Variants in UBXN4 observed in about 807,000 individuals in gnomAD.
UBXN4 encodes UBX domain protein 4.
A neutral mutation model predicts 66.2 loss-of-function variants in UBXN4; 35 were observed. The observed-to-expected ratio is 0.53, with a 90% CI of 0.40 to 0.70. UBXN4 has a LOEUF of 0.70. Ranked by LOEUF, UBXN4 falls within the 30% of genes least tolerant of loss-of-function variation. The pLI is 0.00. For synonymous variants in UBXN4, 203 were observed against 204.5 expected (o/e 0.99, Z 0.06); for missense variants, 533 against 599.8 (o/e 0.89, Z 1.16).
chr2:135,748,095 G>T, intron 1 of UBXN4, 172 bp from the exon 2 acceptor site: 2 of 476,718 alleles, frequency 4.2e-6, no homozygotes, highest in Non-Finnish European at 7.4e-6. Context: ...TTCATGATGT[G>T]AACTGTGTAT....
intron 12 of UBXN4, among the ~76,000 whole-genome samples, chr2:135,780,900 C>T (rs2077445464): frequency 6.6e-6 from 1 of 152,224 alleles, no homozygotes; most frequent in Non-Finnish European, 1.5e-5. Context: ...AAAATTCTCT[C>T]TCAGAGAATT....
Position 135,755,595 on chromosome 2 carries a change from T to G in UBXN4, c.412T>G (p.Phe138Val). Residue 138 changes from phenylalanine (F) to valine (V), a missense_variant, in exon 5 of 13, where the codon TTT becomes GTT. By Grantham distance (50) the Phe-to-Val change is conservative. This residue lies in a region of UBXN4 where 529 missense variants were observed against 580.1 expected (regional missense o/e 0.91). Coordinates refer to ENST00000272638, the MANE Select transcript of UBXN4 (RefSeq NM_014607.4). ...ESSVSTPSAS[F>V]EPNNTCENSQ... is the part of the protein sequence containing the mutation. ...TTCAGTGTCTACTCCATCTGCGTCA[T>G]TTGAACCTAACAACACTTGTGAAAA... 1 of 1,610,556 alleles carries G rather than the reference T, an allele frequency of 6.2e-7. No individual in the cohort carries two copies. Among genetic ancestry groups the G allele is most frequent in the South Asian group, 1.1e-5 (1 of 90,514 alleles).
intron 2 of UBXN4, among the ~76,000 whole-genome samples, chr2:135,750,891 T>G (rs987880890): frequency 5.8e-5 from 7 of 120,480 alleles, no homozygotes; most frequent in African/African-American, 1.8e-4. Context: ...AGTCTTGCTC[T>G]GTCGCCCAGG....
chr2:135,755,000 T>G (rs1465167107), intron 4 of UBXN4, among the ~76,000 whole-genome samples: 1 of 152,032 alleles, frequency 6.6e-6, no homozygotes, highest in Non-Finnish European at 1.5e-5. Flanking sequence ...GCCAGGCTGG[T>G]CTTGAACTCC....
intron 5 of UBXN4, among the ~76,000 whole-genome samples, chr2:135,760,356 A>G (rs927410369): frequency 1.3e-4 from 20 of 152,180 alleles, no homozygotes; most frequent in African/African-American, 4.8e-4. Context: ...GCTTGATCCC[A>G]GGAGGCGGAG....
intron 10 of UBXN4, among the ~76,000 whole-genome samples, chr2:135,778,671 T>C (rs2077432310): frequency 6.6e-6 from 1 of 152,216 alleles, no homozygotes; most frequent in Non-Finnish European, 1.5e-5. Flanking sequence ...AGATACACAA[T>C]TGTCCATTTT....
intron 6 of UBXN4, among the ~76,000 whole-genome samples, chr2:135,766,819 A>G (rs1184574110): frequency 6.6e-6 from 1 of 152,186 alleles, no homozygotes; most frequent in African/African-American, 2.4e-5. Flanking sequence ...AATGGTAAAT[A>G]TCCTACTGCT....
Position 135,779,843 on chromosome 2 carries a change from TATTATATAAAATA to T in UBXN4, c.1186-323_1186-311del, listed in dbSNP as rs1395179730. On this transcript the variant is annotated intron_variant, in intron 11 of 12. Coordinates refer to ENST00000272638, the MANE Select transcript of UBXN4 (RefSeq NM_014607.4). Reference sequence around the variant, plus strand: ...ACAATATTATACAATTATATACAATTATTATATAAAATAATTATATAAAATAATTTTATAATTA... The same window carrying T: ...ACAATATTATACAATTATATACAATTATTATATAAAATAATTTTATAATTA... 7.8e-4 allele frequency among the ~76,000 whole-genome samples: 111 copies of T among 142,816 alleles called. 1 individual carries two copies. Among genetic ancestry groups the T allele is most frequent in the African/African-American group, 1.3e-3 (50 of 39,688 alleles). The allele number at this position is 142,816 out of a possible 152,430, so 93.7% of individuals were successfully genotyped here.
chr2:135,742,019 A>C lies in UBXN4; in HGVS notation c.82+8A>C. On this transcript the variant is annotated splice_region_variant and intron_variant, in intron 1 of 12. Transcript: ENST00000272638. ...TCGTGGTGTTCGTGGCAGGTGAAGG[A>C]GGCAGGGGTTCGAGAGGCGGCCGGG... 6.2e-7 allele frequency: 1 copy of C among 1,612,616 alleles called. No individual in the cohort carries two copies.
intron 6 of UBXN4, among the ~76,000 whole-genome samples, chr2:135,765,791 G>A (rs1374082178): frequency 1.3e-5 from 2 of 151,954 alleles, no homozygotes; most frequent in Non-Finnish European, 1.5e-5. Flanking sequence ...GCCAGGATCT[G>A]GGGATCTGTG....
intron 2 of UBXN4, among the ~76,000 whole-genome samples, chr2:135,749,755 T>A (rs1472684936): frequency 6.6e-6 from 1 of 152,228 alleles, no homozygotes; most frequent in Non-Finnish European, 1.5e-5. Flanking sequence ...GTCATAGTTT[T>A]ATTACTTTAT....
In UBXN4 at chr2:135,769,772, A is replaced by C. The variant is rs1262268384; in HGVS notation, c.606A>C (p.Leu202=). 1.3e-6 allele frequency: 2 copies of C among 1,585,406 alleles called. No individual in the cohort carries two copies. Among genetic ancestry groups the C allele is most frequent in the East Asian group, 4.5e-5 (2 of 44,302 alleles). Residue 202 remains leucine (L), a synonymous_variant, in exon 7 of 13, where the codon CTA becomes CTC. Coordinates refer to ENST00000272638, the MANE Select transcript of UBXN4 (RefSeq NM_014607.4). ...AEDLNIRVER[L]TKKLEERREE... ...GGTTTTTTTTTTTTTAATACAGACT[A>C]ACAAAAAAACTTGAAGAAAGGAGAG... is the stretch of plus-strand genomic sequence containing the variant.
chr2:135,756,215 A>T (rs566329805), intron 5 of UBXN4, among the ~76,000 whole-genome samples: 1 of 152,118 alleles, frequency 6.6e-6, no homozygotes, highest in Non-Finnish European at 1.5e-5. Flanking sequence ...TTGTGGTTGG[A>T]GTTGTTTGGT....
intron 6 of UBXN4, among the ~76,000 whole-genome samples, chr2:135,763,933 T>A (rs568905779): frequency 4.6e-5 from 7 of 152,226 alleles, no homozygotes; most frequent in Admixed American, 2.0e-4. Context: ...AAGACCAGCC[T>A]GGCCAACGTG....
At chr2:135,756,509 T>C (rs1189700272) in intron 5 of UBXN4, among the ~76,000 whole-genome samples, 2 of 152,144 alleles carry the variant, frequency 1.3e-5, no homozygotes. Context: ...ACATGACAGG[T>C]TTTGAATATT....
chr2:135,747,706 C>G, intron 1 of UBXN4: 1 of 456,284 alleles, frequency 2.2e-6, no homozygotes, highest in Non-Finnish European at 4.4e-6. Context: ...GCAATCTCCG[C>G]TCACTGCAAC....
intron 5 of UBXN4, among the ~76,000 whole-genome samples, chr2:135,758,753 C>T (rs2077293621): frequency 1.3e-5 from 2 of 151,828 alleles, no homozygotes; most frequent in South Asian, 4.1e-4. Context: ...ATATAGTTGC[C>T]TTTTAAAATA....
chr2:135,775,713 A>T (rs2077410616), intron 9 of UBXN4, among the ~76,000 whole-genome samples: 1 of 152,184 alleles, frequency 6.6e-6, no homozygotes, highest in African/African-American at 2.4e-5. Flanking sequence ...TAATGTTGAT[A>T]GTTGCACAAT....
chr2:135,770,548 A>G (rs370028479), intron 7 of UBXN4, 23 bp from the exon 8 acceptor site: 8 of 1,395,158 alleles, frequency 5.7e-6, no homozygotes, highest in Non-Finnish European at 7.5e-6. Flanking sequence ...TTTTTGGATC[A>G]TAAAACTTTT....
Sources: allele counts gnomAD v4.1 joint callset (sites outside exome capture counted in the v4.1 genomes callset), GRCh38; gene constraint gnomAD v4.1.1; regional missense constraint gnomAD v4.1.1; transcripts MANE v1.5; gene names NCBI Gene and HGNC (gene_info 2026-07-23, HGNC 2026-07-21).